Variants in ZC3H12B observed in about 807,000 individuals in gnomAD.
ZC3H12B encodes the protein zinc finger CCCH-type containing 12B, also known as probable ribonuclease ZC3H12B.
A neutral mutation model predicts 43.9 loss-of-function variants in ZC3H12B; 7 were observed. The ratio of observed to expected loss-of-function variants is 0.16; its 90% CI spans 0.09 to 0.30. The LOEUF (loss-of-function observed/expected upper bound fraction) is 0.30. Ranked by LOEUF, ZC3H12B falls within the 10% of genes least tolerant of loss-of-function variation. The pLI, the probability that ZC3H12B is intolerant of heterozygous loss-of-function variation, is 1.00. For synonymous variants in ZC3H12B, 222 were observed against 241.7 expected (o/e 0.92, Z 0.76); for missense variants, 475 against 670.2 (o/e 0.71, Z 3.22).
chrX:65,460,143 A>C (rs896216247), intron 3 of ZC3H12B, among the ~76,000 whole-genome samples: 5 of 111,873 alleles, frequency 4.5e-5, no homozygotes, highest in Admixed American at 3.8e-4. Context: ...TAGGAATCCA[A>C]CTTACATGGG....
the ZC3H12B span, among the ~76,000 whole-genome samples, chrX:65,113,843 GCA>G: frequency 1.9e-5 from 2 of 106,412 alleles, no homozygotes; most frequent in African/African-American, 6.7e-5. Flanking sequence ...TAATGCTATT[GCA>G]CACTTAAGAG....
At chrX:65,194,992 C>T in the ZC3H12B span, among the ~76,000 whole-genome samples, 4 of 109,179 alleles carry the variant, frequency 3.7e-5, no homozygotes, top group African/African-American at 1.0e-4. Flanking sequence ...TACTCTTGCT[C>T]TTTTTTTGTT....
At position 65,380,697 on chromosome X, in the gene ZC3H12B, T is replaced by A. The variant is rs969293345; in HGVS notation, n.295+11699T>A. On this transcript the variant is annotated intron_variant and non_coding_transcript_variant, in intron 2 of 5. Coordinates refer to the ZC3H12B transcript ENST00000617377. ...AAAGAGTCAAGACCCATCAGTGTGC[T>A]GTATTCAGGAAACCCATCTCACGGG... is the stretch of plus-strand genomic sequence containing the variant. Among the ~76,000 whole-genome samples the A allele has an allele frequency of 9.8e-5, 11 of 111,953 alleles. No homozygotes were observed. The South Asian group carries it at 3.7e-3, about 38-fold the overall frequency.
At chrX:65,439,095 A>T (rs1168719133) in intron 3 of ZC3H12B, among the ~76,000 whole-genome samples, 2 of 112,499 alleles carry the variant, frequency 1.8e-5, no homozygotes, top group Admixed American at 1.9e-4. Context: ...AGAGCTTCCA[A>T]GTGTTTTTAT....
At chrX:65,202,045 A>G in the ZC3H12B span, among the ~76,000 whole-genome samples, 2 of 89,523 alleles carry the variant, frequency 2.2e-5, no homozygotes, top group African/African-American at 4.1e-5. Context: ...ACTTTATAAT[A>G]TAATATATAT....
At chrX:65,288,809 C>T in the ZC3H12B span, among the ~76,000 whole-genome samples, 1 of 111,515 alleles carries the variant, frequency 9.0e-6, no homozygotes, top group African/African-American at 3.3e-5. Context: ...CAAATTGTCT[C>T]TCTTGGCTTA....
the ZC3H12B span, among the ~76,000 whole-genome samples, chrX:65,230,251 T>G: frequency 9.0e-6 from 1 of 110,706 alleles, no homozygotes; most frequent in African/African-American, 3.3e-5. Context: ...TGGATGAAAT[T>G]GGAAATCATC....
At chrX:65,379,109 G>T (rs1204820163) in intron 2 of ZC3H12B, among the ~76,000 whole-genome samples, 3 of 112,184 alleles carry the variant, frequency 2.7e-5, no homozygotes, top group Non-Finnish European at 5.6e-5. Context: ...GCCTGCCACA[G>T]CTCAAGGAGG....
At chrX:65,223,951 G>A in the ZC3H12B span, among the ~76,000 whole-genome samples, 1 of 112,082 alleles carries the variant, frequency 8.9e-6, no homozygotes, top group Middle Eastern at 4.2e-3. Context: ...CCACTCCTGG[G>A]TATCGACCGA....
the ZC3H12B span, among the ~76,000 whole-genome samples, chrX:65,212,542 A>G: frequency 2.6e-5 from 2 of 75,731 alleles, no homozygotes; most frequent in African/African-American, 5.4e-5. Context: ...TATAATGTAT[A>G]TTTATATATT....
the ZC3H12B span, among the ~76,000 whole-genome samples, chrX:65,161,793 G>T: frequency 9.0e-6 from 1 of 111,612 alleles, no homozygotes; most frequent in African/African-American, 3.3e-5. Context: ...GTGTGAACTT[G>T]ATCTTGTCAT....
In ZC3H12B at chrX:65,369,591, T is replaced by C. The variant is rs1461374353; in HGVS notation, n.295+593T>C. Among the ~76,000 whole-genome samples, 3 of 111,435 alleles carry C rather than the reference T, an allele frequency of 2.7e-5. No individual in the cohort carries two copies. In the East Asian group the frequency reaches 8.4e-4, roughly 31 times the overall value. ...ACTTTATTTAGTTTTTGGAGGAAAG[T>C]TTTTCACGTGGTATATTCAGAAAAT... On this transcript the variant is annotated intron_variant and non_coding_transcript_variant, in intron 2 of 5. Transcript: ENST00000617377.
the ZC3H12B span, among the ~76,000 whole-genome samples, chrX:65,123,883 C>G: frequency 3.6e-5 from 4 of 110,137 alleles, no homozygotes; most frequent in African/African-American, 1.3e-4. Context: ...GAGCTAGGAG[C>G]TTTTTGGATG....
the ZC3H12B span, among the ~76,000 whole-genome samples, chrX:65,053,743 G>A: frequency 1.8e-4 from 20 of 111,425 alleles, no homozygotes; most frequent in Middle Eastern, 0.014. Flanking sequence ...AAGTGTTCCT[G>A]TTTCTCCACA....
At chrX:65,218,980 A>G in the ZC3H12B span, among the ~76,000 whole-genome samples, 1 of 112,089 alleles carries the variant, frequency 8.9e-6, no homozygotes, top group African/African-American at 3.2e-5. Flanking sequence ...AGACTTGAAG[A>G]CAGATCATAT....
intron 3 of ZC3H12B, among the ~76,000 whole-genome samples, chrX:65,451,333 T>C (rs2067507663): frequency 9.0e-6 from 1 of 111,418 alleles, no homozygotes; most frequent in South Asian, 3.7e-4. Context: ...CATTTAGTTG[T>C]GTGTGTTCTC....
chrX:65,450,798 T>C (rs979372647), intron 3 of ZC3H12B, among the ~76,000 whole-genome samples: 9 of 61,820 alleles, frequency 1.5e-4, no homozygotes, highest in African/African-American at 4.7e-4. Context: ...TGTATATATA[T>C]ACATATGTGT....
the ZC3H12B span, among the ~76,000 whole-genome samples, chrX:65,224,817 G>A: frequency 2.7e-5 from 3 of 112,006 alleles, no homozygotes; most frequent in East Asian, 8.4e-4. Flanking sequence ...CAGCGAGGCT[G>A]GGGGAAGGGT....
the ZC3H12B span, among the ~76,000 whole-genome samples, chrX:65,070,816 G>GTTTTTTTTT: frequency 1.6e-4 from 9 of 56,039 alleles, no homozygotes; most frequent in Non-Finnish European, 3.1e-4. Flanking sequence ...TATGATTTCT[G>GTTTTTTTTT]TTTTTTTTTT....
Sources: allele counts gnomAD v4.1 joint callset (sites outside exome capture counted in the v4.1 genomes callset), GRCh38; gene constraint gnomAD v4.1.1; transcripts MANE v1.5; gene names NCBI Gene and HGNC (gene_info 2026-07-23, HGNC 2026-07-21).